CNTNAP2: variants seen among roughly 807,000 people sequenced by gnomAD.
The protein encoded by CNTNAP2 is contactin associated protein 2, also known as contactin-associated protein-like 2.
Under a neutral mutation model 155.2 loss-of-function variants are expected in CNTNAP2, and 98 were observed. That is an observed-to-expected ratio of 0.63 (90% confidence interval 0.54 to 0.75). The LOEUF (loss-of-function observed/expected upper bound fraction) is 0.75. Ranked by LOEUF, CNTNAP2 falls within the 30% of genes least tolerant of loss-of-function variation. CNTNAP2 has a pLI of 0.00. For synonymous variants in CNTNAP2, 651 were observed against 631.2 expected, an observed-to-expected ratio of 1.03 and a Z score of -0.47; for missense variants, 1,727 against 1,688.1, an observed-to-expected ratio of 1.02 and a Z score of -0.40.
At chr7:147,354,478 C>A (rs1011957112) in intron 9 of CNTNAP2, among the ~76,000 whole-genome samples, 1 of 152,036 alleles carries the variant, frequency 6.6e-6, no homozygotes, top group Non-Finnish European at 1.5e-5. Flanking sequence ...GGCCTCTGTT[C>A]TGTTCTATTG....
At chr7:147,490,915 C>G (rs1335754032) in intron 11 of CNTNAP2, among the ~76,000 whole-genome samples, 1 of 152,032 alleles carries the variant, frequency 6.6e-6, no homozygotes, top group African/African-American at 2.4e-5. Context: ...GGGGGAAGAA[C>G]CCCTTATAAA....
At chr7:148,133,991 G>A (rs1804886216) in intron 16 of CNTNAP2, 1 of 152,196 alleles carries the variant, frequency 6.6e-6, no homozygotes, top group Admixed American at 6.5e-5. Flanking sequence ...GTGCAACATA[G>A]AAGCAATTGA....
At chr7:146,443,523 T>C (rs966188139) in intron 1 of CNTNAP2, among the ~76,000 whole-genome samples, 3 of 152,194 alleles carry the variant, frequency 2.0e-5, no homozygotes, top group Admixed American at 1.3e-4. Flanking sequence ...TAATAACTCT[T>C]ACTGCTCCCA....
intron 13 of CNTNAP2, among the ~76,000 whole-genome samples, chr7:147,726,384 A>G (rs1164960645): frequency 2.0e-5 from 3 of 152,012 alleles, no homozygotes; most frequent in African/African-American, 7.2e-5. Flanking sequence ...TAAAAGCCAG[A>G]CATGACAGAC....
intron 10 of CNTNAP2, among the ~76,000 whole-genome samples, chr7:147,469,202 T>A (rs1046645784): frequency 1.3e-5 from 2 of 152,168 alleles, no homozygotes; most frequent in Non-Finnish European, 2.9e-5. Flanking sequence ...TAATCATTAA[T>A]GGAGCACAAA....
rs545469954 is a variant in CNTNAP2, at chr7:147,615,704, G to GT, written c.1898-23393dup. Among the ~76,000 whole-genome samples the GT allele has an allele frequency of 6.1e-3, 914 of 150,286 alleles. 6 individuals carry two copies. The highest frequency in any genetic ancestry group is 0.01 in the Non-Finnish European group (689 of 67,462). ...AAGAAAATGGCTTGAAAGAAAAATC[G>GT]TTTTTTTTTCTTCCTACTCTCCCTT... On this transcript the variant is annotated intron_variant, in intron 12 of 23. Transcript: ENST00000361727.
At chr7:146,407,141 T>G (rs1298758259) in intron 1 of CNTNAP2, among the ~76,000 whole-genome samples, 2 of 152,154 alleles carry the variant, frequency 1.3e-5, no homozygotes, top group Non-Finnish European at 2.9e-5. Context: ...AAAACTGTGC[T>G]TTTCTAATTT....
chr7:147,593,086 C>A (rs1254334510), intron 12 of CNTNAP2, among the ~76,000 whole-genome samples: 1 of 152,092 alleles, frequency 6.6e-6, no homozygotes, highest in East Asian at 1.9e-4. Context: ...TCTTACAAAA[C>A]AAACATTACC....
chr7:146,364,852 T>G (rs1026930087), intron 1 of CNTNAP2, among the ~76,000 whole-genome samples: 6 of 152,236 alleles, frequency 3.9e-5, no homozygotes, highest in Non-Finnish European at 7.3e-5. Flanking sequence ...TTAATCCTTC[T>G]GTTAACAAAT....
chr7:147,766,227 C>T (rs1268646248), intron 13 of CNTNAP2, among the ~76,000 whole-genome samples: 1 of 152,052 alleles, frequency 6.6e-6, no homozygotes, highest in Admixed American at 6.6e-5. Flanking sequence ...GTAAATTACA[C>T]TTCAATAAAG....
intron 10 of CNTNAP2, among the ~76,000 whole-genome samples, chr7:147,432,401 A>T (rs992292310): frequency 4.6e-5 from 7 of 152,200 alleles, no homozygotes; most frequent in Non-Finnish European, 8.8e-5. Flanking sequence ...TGTGTTTTTT[A>T]AAAAATAGAA....
Position 147,952,452 on chromosome 7 carries a change from T to C in CNTNAP2, c.2256-25410T>C, listed in dbSNP as rs576439581. Among the ~76,000 whole-genome samples the C allele has an allele frequency of 1.8e-3, 267 of 151,366 alleles. 1 individual carries two copies. The highest frequency in any genetic ancestry group is 2.9e-3 in the Non-Finnish European group (197 of 67,812). On this transcript the variant is annotated intron_variant, in intron 14 of 23. Transcript: ENST00000361727. ...AGTGAAACTCTGTCTCAAATAATAA[T>C]AACAATAATAAAATAAATCTCTCCT... is the stretch of plus-strand genomic sequence containing the variant.
intron 11 of CNTNAP2, among the ~76,000 whole-genome samples, chr7:147,526,084 C>T (rs192135617): frequency 2.0e-5 from 3 of 150,556 alleles, no homozygotes; most frequent in Admixed American, 6.7e-5. Flanking sequence ...CCCAGCTACT[C>T]GAGAGGCTGA....
chr7:147,986,859 G>A (rs199706265), intron 15 of CNTNAP2, among the ~76,000 whole-genome samples: 1 of 131,804 alleles, frequency 7.6e-6, no homozygotes, highest in Non-Finnish European at 1.6e-5. Flanking sequence ...CTGTTTTTTT[G>A]TTATGTTTTT....
chr7:147,726,440 A>G (rs1470473151), intron 13 of CNTNAP2, among the ~76,000 whole-genome samples: 1 of 152,032 alleles, frequency 6.6e-6, no homozygotes, highest in Non-Finnish European at 1.5e-5. Flanking sequence ...GAGCCAGTAC[A>G]CCGCAAAGAG....
chr7:148,153,141 G>GGAC, intron 17 of CNTNAP2, among the ~76,000 whole-genome samples: 1 of 151,556 alleles, frequency 6.6e-6, no homozygotes, highest in South Asian at 2.1e-4. Context: ...GCTAGAAGCA[G>GGAC]GACGGAGTCA....
intron 8 of CNTNAP2, among the ~76,000 whole-genome samples, chr7:147,278,371 C>T (rs1023397971): frequency 7.3e-5 from 11 of 151,716 alleles, no homozygotes; most frequent in African/African-American, 2.7e-4. Flanking sequence ...TCAGTAAGTA[C>T]CTCAGAAGTT....
At chr7:147,864,805 A>G (rs1342612508) in intron 13 of CNTNAP2, among the ~76,000 whole-genome samples, 1 of 152,336 alleles carries the variant, frequency 6.6e-6, no homozygotes, top group Admixed American at 6.5e-5. Context: ...GAAGTTGCTT[A>G]TCAGCTTAAG....
chr7:147,272,213 C>T (rs747714850), intron 8 of CNTNAP2, among the ~76,000 whole-genome samples: 1 of 152,092 alleles, frequency 6.6e-6, no homozygotes, highest in Non-Finnish European at 1.5e-5. Flanking sequence ...AATTAGATTG[C>T]TCATCCTAGA....
Sources: allele counts gnomAD v4.1 joint callset (sites outside exome capture counted in the v4.1 genomes callset), GRCh38; gene constraint gnomAD v4.1.1; transcripts MANE v1.5; gene names NCBI Gene and HGNC (gene_info 2026-07-23, HGNC 2026-07-21).